AGMO: variants seen among roughly 807,000 people sequenced by gnomAD.
AGMO encodes the protein glyceryl-ether monooxygenase.
AGMO carries 75 observed loss-of-function variants against 60.2 expected under a neutral mutation model. The ratio of observed to expected loss-of-function variants is 1.25; its 90% CI spans 1.03 to 1.51. The LOEUF is 1.51. AGMO is among the 40% of genes most tolerant of loss of function. The pLI, the probability that AGMO is intolerant of heterozygous loss-of-function variation, is 0.00. For missense variants in AGMO, 763 were observed against 525.5 expected (o/e 1.45, Z -4.42); for synonymous variants, 261 against 177.1 (o/e 1.47, Z -3.76).
At chr7:15,156,342 C>A in the AGMO span, among the ~76,000 whole-genome samples, 2 of 110,974 alleles carry the variant, frequency 1.8e-5, no homozygotes, top group African/African-American at 6.0e-5. Context: ...AGGCATTAAC[C>A]CTGGGAGAGG....
chr7:15,448,033 C>T (rs1234239400), intron 3 of AGMO, among the ~76,000 whole-genome samples: 1 of 152,142 alleles, frequency 6.6e-6, no homozygotes, highest in African/African-American at 2.4e-5. Flanking sequence ...GTCAAAACCA[C>T]CAAACCCAGT....
At chr7:15,138,330 C>T in the AGMO span, among the ~76,000 whole-genome samples, 55 of 152,114 alleles carry the variant, frequency 3.6e-4, 1 homozygote, top group Non-Finnish European at 7.2e-4. Flanking sequence ...ATACGTCTCA[C>T]GACTTTACTC....
intron 3 of AGMO, among the ~76,000 whole-genome samples, chr7:15,511,385 CT>C (rs1373526703): frequency 1.3e-5 from 2 of 152,190 alleles, no homozygotes; most frequent in East Asian, 3.9e-4. Flanking sequence ...AATTTTTTTT[CT>C]CATCAACATT....
At position 15,514,264 on chromosome 7, in the gene AGMO, G is replaced by C. The variant is rs1427800887; in HGVS notation, c.409+30508C>G. ...TTTTCTTTTCTCTGTTAAAGTTTCT[G>C]AGATTGACTATGGTATCAATAAGCC... On this transcript the variant is annotated intron_variant, in intron 3 of 12. Transcript: ENST00000342526. Among the ~76,000 whole-genome samples the C allele has an allele frequency of 2.0e-5, 3 of 152,116 alleles. No homozygotes were observed. In the South Asian group the frequency reaches 6.2e-4, roughly 32 times the overall value.
chr7:15,389,356 G>C (rs958830284), intron 8 of AGMO, among the ~76,000 whole-genome samples: 2 of 152,130 alleles, frequency 1.3e-5, no homozygotes, highest in South Asian at 2.1e-4. Flanking sequence ...ATGAAGAAAA[G>C]GGAGCTTTCA....
At chr7:15,486,791 G>T (rs1782934010) in intron 3 of AGMO, among the ~76,000 whole-genome samples, 1 of 152,178 alleles carries the variant, frequency 6.6e-6, no homozygotes, top group Non-Finnish European at 1.5e-5. Flanking sequence ...ACATGTCCAT[G>T]AGTGGGGGAA....
chr7:15,333,408 CTT>C (rs1289078236), intron 12 of AGMO, among the ~76,000 whole-genome samples: 1 of 151,854 alleles, frequency 6.6e-6, no homozygotes, highest in Non-Finnish European at 1.5e-5. Flanking sequence ...TAAAATGTGA[CTT>C]TTAACAAAAC....
intron 3 of AGMO, among the ~76,000 whole-genome samples, chr7:15,456,278 T>C (rs529194390): frequency 6.6e-6 from 1 of 152,258 alleles, no homozygotes; most frequent in East Asian, 1.9e-4. Flanking sequence ...GCTAGTATAA[T>C]GTAATTTTAA....
At chr7:15,391,263 A>T (rs1180018182) in intron 6 of AGMO, among the ~76,000 whole-genome samples, 1 of 152,104 alleles carries the variant, frequency 6.6e-6, no homozygotes, top group Non-Finnish European at 1.5e-5. Context: ...AAAATCAGAA[A>T]ACGATGTATA....
intron 12 of AGMO, among the ~76,000 whole-genome samples, chr7:15,305,562 A>G (rs549987680): frequency 1.3e-5 from 2 of 152,150 alleles, no homozygotes; most frequent in African/African-American, 4.8e-5. Context: ...TATATTAAAT[A>G]TGAGTAACAA....
At position 15,354,495 on chromosome 7, in the gene AGMO, T is replaced by C. The variant is rs971201688; in HGVS notation, c.1263+11019A>G. ...ATACACACGTGTGTATATACACACGTGTATATATATATATATATATATATA... is the reference window on the plus strand; with the variant it reads ...ATACACACGTGTGTATATACACACGCGTATATATATATATATATATATATA... On this transcript the variant is annotated intron_variant, in intron 12 of 12. Transcript: ENST00000342526. 3.1e-3 allele frequency among the ~76,000 whole-genome samples: 61 copies of C among 19,472 alleles called. 9 individuals are homozygous for C. The highest frequency in any genetic ancestry group is 4.3e-3 in the Non-Finnish European group (46 of 10,804). 12.8% of individuals were successfully genotyped at this position (19,472 alleles called of 152,430 possible). A position where few individuals can be genotyped will look rare whatever the true frequency, so the allele number is the denominator to read the frequency against.
intron 8 of AGMO, among the ~76,000 whole-genome samples, chr7:15,387,831 T>G (rs987206864): frequency 6.6e-6 from 1 of 151,964 alleles, no homozygotes; most frequent in Admixed American, 6.5e-5. Flanking sequence ...AAAAAATGAG[T>G]TAAGAGGCTT....
intron 2 of AGMO, among the ~76,000 whole-genome samples, chr7:15,555,544 G>A (rs976296643): frequency 3.3e-5 from 5 of 151,692 alleles, no homozygotes; most frequent in East Asian, 1.9e-4. Context: ...AATAAAATGC[G>A]TACTACTAGT....
intron 2 of AGMO, among the ~76,000 whole-genome samples, chr7:15,550,186 T>C (rs1462812022): frequency 1.3e-5 from 2 of 150,808 alleles, no homozygotes; most frequent in Non-Finnish European, 3.0e-5. Context: ...GGGAAATTTA[T>C]AGCACTAAAT....
the AGMO span, among the ~76,000 whole-genome samples, chr7:15,128,607 T>A: frequency 7.2e-5 from 11 of 152,132 alleles, no homozygotes; most frequent in East Asian, 3.9e-4. Flanking sequence ...AACTAAAATA[T>A]ATATAAAGTA....
At chr7:15,217,726 T>C (rs1420684999) in intron 12 of AGMO, among the ~76,000 whole-genome samples, 1 of 147,552 alleles carries the variant, frequency 6.8e-6, no homozygotes, top group Non-Finnish European at 1.5e-5. Context: ...GAAGTTAAAA[T>C]GAAAAATACA....
At chr7:15,372,414 C>A (rs546681566) in intron 10 of AGMO, among the ~76,000 whole-genome samples, 1 of 152,200 alleles carries the variant, frequency 6.6e-6, no homozygotes, top group Non-Finnish European at 1.5e-5. Context: ...CAAGATCATG[C>A]CATTGCACTC....
chr7:15,297,873 A>G (rs1441354909), intron 12 of AGMO, among the ~76,000 whole-genome samples: 1 of 152,180 alleles, frequency 6.6e-6, no homozygotes, highest in East Asian at 1.9e-4. Context: ...AACTAACATA[A>G]AATCCAAATA....
rs368996624 is a variant in AGMO, at chr7:15,498,351, AT to A, written c.409+46420del. Among the ~76,000 whole-genome samples the A allele has an allele frequency of 4.8e-3, 737 of 152,090 alleles. 6 individuals carry two copies. The highest frequency in any genetic ancestry group is 0.017 in the African/African-American group (704 of 41,542). On this transcript the variant is annotated intron_variant, in intron 3 of 12. Coordinates refer to ENST00000342526, the MANE Select transcript of AGMO (RefSeq NM_001004320.2). The stretch of plus-strand genomic sequence containing the variant: ...ATATTTAGTAGTTTCAAGTCTAACT[AT>A]TTTTTGCATCAGAAAACTGATTAAT...
Sources: gnomAD v4.1 joint callset for allele counts (sites outside exome capture counted in the v4.1 genomes callset) on GRCh38, gnomAD v4.1.1 for gene constraint, MANE v1.5 for transcripts, NCBI Gene and HGNC (gene_info 2026-07-23, HGNC 2026-07-21) for gene names.